Variants in THADA observed in about 807,000 individuals in gnomAD.
THADA encodes tRNA (32-2'-O)-methyltransferase regulator THADA.
A neutral mutation model predicts 219.8 loss-of-function variants in THADA; 213 were observed. The observed-to-expected ratio is 0.97, with a 90% CI of 0.87 to 1.09. The LOEUF (loss-of-function observed/expected upper bound fraction) is 1.09. Among genes scored for constraint, THADA ranks in the 50% least tolerant of loss-of-function variants. The pLI is 0.00. For synonymous variants in THADA, 1,018 were observed against 828.9 expected, an observed-to-expected ratio of 1.23 and a Z score of -3.92; for missense variants, 2,956 against 2,311.3, an observed-to-expected ratio of 1.28 and a Z score of -5.72.
At chr2:43,593,956 G>A (rs1701868626) in intron 1 of THADA, among the ~76,000 whole-genome samples, 1 of 152,026 alleles carries the variant, frequency 6.6e-6, no homozygotes. Flanking sequence ...CTTGCTATTA[G>A]ATTAGTAAAA....
chr2:43,271,776 A>G (rs1192153135), intron 36 of THADA, among the ~76,000 whole-genome samples: 2 of 151,812 alleles, frequency 1.3e-5, no homozygotes, highest in Non-Finnish European at 2.9e-5. Flanking sequence ...CACCACGCCC[A>G]GCTAATTTTT....
At chr2:43,444,607 C>G (rs555644594) in intron 26 of THADA, among the ~76,000 whole-genome samples, 9 of 152,264 alleles carry the variant, frequency 5.9e-5, no homozygotes, top group African/African-American at 1.7e-4. Flanking sequence ...ACCCTGTCTT[C>G]AAGATCTGCC....
At chr2:43,384,726 G>T (rs921024849) in intron 29 of THADA, among the ~76,000 whole-genome samples, 2 of 152,212 alleles carry the variant, frequency 1.3e-5, no homozygotes, top group Admixed American at 6.5e-5. Context: ...AGCACTTTGG[G>T]AGGCTGAGGC....
At chr2:43,499,698 C>G (rs1688695234) in intron 24 of THADA, among the ~76,000 whole-genome samples, 1 of 151,898 alleles carries the variant, frequency 6.6e-6, no homozygotes, top group Admixed American at 6.6e-5. Context: ...TTAAAATCGG[C>G]ACATTTTCAA....
intron 14 of THADA, among the ~76,000 whole-genome samples, chr2:43,568,940 A>G (rs1698988705): frequency 6.6e-6 from 1 of 152,094 alleles, no homozygotes; most frequent in South Asian, 2.1e-4. Flanking sequence ...TGGGGGCTTC[A>G]ATATATATTC....
In THADA at chr2:43,549,214, G is replaced by T; in HGVS notation, c.3102C>A (p.Ile1034=). The change falls in exon 20 of 38, where the codon ATC becomes ATA. Residue 1034 remains isoleucine (I), a synonymous_variant. Transcript: ENST00000405975. ...TATCCATTTTATACAAGTTACCTTT[G>T]ATTTCTGTAGAAGTATCAATATTCA... The part of the protein sequence containing the change: ...SVVNIDTSTE[I]KGKEVKTCDV... 2 of 1,564,990 alleles carry T rather than the reference G, an allele frequency of 1.3e-6. No individual in the cohort carries two copies. The highest frequency in any genetic ancestry group is 2.4e-5 in the South Asian group (2 of 83,458).
chr2:43,298,863 C>T (rs968616329), intron 31 of THADA, among the ~76,000 whole-genome samples: 8 of 152,132 alleles, frequency 5.3e-5, no homozygotes, highest in African/African-American at 1.9e-4. Flanking sequence ...ACTTCTTGAC[C>T]TACACTGCCT....
rs537067482 is a variant in THADA, at chr2:43,255,281, G to A, written c.5297-22399C>T. Among the ~76,000 whole-genome samples, 6 of 152,236 alleles carry A rather than the reference G, an allele frequency of 3.9e-5. No individual in the cohort carries two copies. In the East Asian group the frequency reaches 1.2e-3, roughly 29 times the overall value. Reference sequence around the variant, plus strand: ...TACTCTTTGTTCAAGGTGCCTATTTGCTCTGCACAGTGACTATTATGAACA... The same window carrying A: ...TACTCTTTGTTCAAGGTGCCTATTTACTCTGCACAGTGACTATTATGAACA... On this transcript the variant is annotated intron_variant, in intron 36 of 37. Transcript: ENST00000405975.
Position 43,473,898 on chromosome 2 carries a change from C to T in THADA, c.3836+11336G>A, listed in dbSNP as rs554375795. On this transcript the variant is annotated intron_variant, in intron 26 of 37. Transcript: ENST00000405975. The stretch of plus-strand genomic sequence containing the variant: ...TACAGGGATTACGGGTGTGAGCCAC[C>T]GCGCCCGGCCCATGCTTGACTTTTA... Among the ~76,000 whole-genome samples, 9 of 152,222 alleles carry T rather than the reference C, an allele frequency of 5.9e-5. No individual in the cohort carries two copies. In the East Asian group the frequency reaches 7.7e-4, roughly 13 times the overall value.
intron 29 of THADA, among the ~76,000 whole-genome samples, chr2:43,355,311 C>T (rs1668754076): frequency 6.6e-6 from 1 of 152,180 alleles, no homozygotes. Context: ...AACCTCCAAA[C>T]TGTTCTCCAC....
chr2:43,286,876 G>C, intron 35 of THADA, 32 bp downstream of exon 35: 2 of 1,591,140 alleles, frequency 1.3e-6, no homozygotes, highest in Non-Finnish European at 1.7e-6. Context: ...AAGTGAGTTT[G>C]GTACAACAGA....
intron 21 of THADA, among the ~76,000 whole-genome samples, chr2:43,533,792 C>A (rs112416866): frequency 1.3e-5 from 2 of 151,900 alleles, no homozygotes; most frequent in African/African-American, 4.8e-5. Context: ...CTAATGCATG[C>A]GGGGCTTAAA....
intron 29 of THADA, among the ~76,000 whole-genome samples, chr2:43,383,382 C>G (rs956320480): frequency 6.6e-6 from 1 of 152,148 alleles, no homozygotes; most frequent in African/African-American, 2.4e-5. Context: ...AGCTAGAACA[C>G]AAAGCTATAT....
intron 21 of THADA, among the ~76,000 whole-genome samples, chr2:43,539,015 T>C (rs10188882): frequency 0.031 from 4,750 of 152,286 alleles, 269 homozygotes; most frequent in African/African-American, 0.11. Flanking sequence ...AATTTCAAAA[T>C]AGAATAGAAT....
intron 28 of THADA, among the ~76,000 whole-genome samples, chr2:43,405,213 T>C (rs1018217317): frequency 6.6e-6 from 1 of 152,200 alleles, no homozygotes; most frequent in Admixed American, 6.5e-5. Context: ...CTACCGCTAT[T>C]ATACTAAGAT....
intron 25 of THADA, among the ~76,000 whole-genome samples, chr2:43,487,724 C>T (rs1413652144): frequency 6.6e-6 from 1 of 152,160 alleles, no homozygotes. Context: ...CAGTGAGCTG[C>T]CTCACTTCTA....
intron 36 of THADA, among the ~76,000 whole-genome samples, chr2:43,272,851 C>T (rs1367787888): frequency 2.6e-5 from 4 of 151,768 alleles, no homozygotes; most frequent in Non-Finnish European, 5.9e-5. Flanking sequence ...GGTTTGAACT[C>T]CTGGGCTCAA....
chr2:43,443,685 C>G, intron 26 of THADA, among the ~76,000 whole-genome samples: 1 of 152,164 alleles, frequency 6.6e-6, no homozygotes, highest in East Asian at 1.9e-4. Flanking sequence ...ATAAAACAGA[C>G]AGGTGAAAAC....
At chr2:43,474,214 T>C (rs1273489105) in intron 26 of THADA, among the ~76,000 whole-genome samples, 1 of 152,152 alleles carries the variant, frequency 6.6e-6, no homozygotes, top group Admixed American at 6.5e-5. Flanking sequence ...CAGAAATAGA[T>C]GACATTTTCT....
Sources: allele counts gnomAD v4.1 joint callset (sites outside exome capture counted in the v4.1 genomes callset), GRCh38; gene constraint gnomAD v4.1.1; transcripts MANE v1.5; gene names NCBI Gene and HGNC (gene_info 2026-07-23, HGNC 2026-07-21).